The following SFSWAP variants were observed in gnomAD, a reference collection of about 807,000 sequenced individuals.
The protein encoded by SFSWAP is splicing factor SWAP.
Under a neutral mutation model 100.7 loss-of-function variants are expected in SFSWAP, and 17 were observed. That is an observed-to-expected ratio of 0.17 (90% CI 0.12 to 0.25). The LOEUF (loss-of-function observed/expected upper bound fraction) is 0.25, where lower values mean the gene tolerates loss of function less well. Ranked by LOEUF, SFSWAP falls within the 10% of genes least tolerant of loss-of-function variation. The probability of loss-of-function intolerance (pLI) is 1.00; values close to 1 mark genes in which losing one functional copy is unlikely to be tolerated. For missense variants in SFSWAP, 1,005 were observed against 1,262.6 expected (o/e 0.80, Z 3.09); for synonymous variants, 504 against 510.1 (o/e 0.99, Z 0.16).
At chr12:131,723,586 GT>G (rs1462108040) in intron 4 of SFSWAP, among the ~76,000 whole-genome samples, 2 of 152,030 alleles carry the variant, frequency 1.3e-5, no homozygotes, top group South Asian at 4.1e-4. Context: ...CCCTAACCCC[GT>G]GAGGAGAGGG....
chr12:131,728,246 A>G (rs780193419), intron 6 of SFSWAP, 47 bp from the exon 7 acceptor site: 12 of 1,609,266 alleles, frequency 7.5e-6, no homozygotes, highest in Admixed American at 6.7e-5. Context: ...AGAGTTCTGC[A>G]TGGTTCAGAA....
In SFSWAP at chr12:131,797,373, C is replaced by T. The variant is rs1331371807; in HGVS notation, c.2717+13C>T. 6.3e-7 allele frequency: 1 copy of T among 1,594,120 alleles called. No homozygotes were observed. Among genetic ancestry groups the T allele is most frequent in the Non-Finnish European group, 8.5e-7 (1 of 1,169,758 alleles). ...AGGAGCGCTCCAGGTAACCCCTGTC[C>T]TCCAGCAGCTCTCTCTGGGGAAAGG... On this transcript the variant is annotated intron_variant, in intron 16 of 17. Transcript: ENST00000261674.
intron 15 of SFSWAP, among the ~76,000 whole-genome samples, chr12:131,790,956 C>G (rs1434857594): frequency 1.3e-5 from 2 of 152,086 alleles, no homozygotes; most frequent in Non-Finnish European, 2.9e-5. Context: ...ATTCATGAAA[C>G]AGCAGAAAAG....
At chr12:131,751,381 C>T (rs1881610623) in intron 7 of SFSWAP, among the ~76,000 whole-genome samples, 1 of 152,236 alleles carries the variant, frequency 6.6e-6, no homozygotes, top group Non-Finnish European at 1.5e-5. Flanking sequence ...CTGTCCAGAG[C>T]AGGACATGGG....
chr12:131,738,885 C>CTTTTTATTTTTTTTTTTTTTTTT (rs1880305602), intron 7 of SFSWAP, among the ~76,000 whole-genome samples: 1 of 48,718 alleles, frequency 2.1e-5, no homozygotes, highest in Non-Finnish European at 4.1e-5. Flanking sequence ...GAACATTATT[C>CTTTTTATTTTTTTTTTTTTTTTT]TTTTTTTTTT....
rs74422105 is a variant in SFSWAP, at chr12:131,773,141, C to T, written c.2143-4924C>T. ...CAGGGATAGTTGTCACTTTGGGCCACGGGTCCAGGCTTGAGTGTGAAGCCC... is the reference window on the plus strand; with the variant it reads ...CAGGGATAGTTGTCACTTTGGGCCATGGGTCCAGGCTTGAGTGTGAAGCCC... On this transcript the variant is annotated intron_variant, in intron 13 of 17. Transcript: ENST00000261674. 4.6e-3 allele frequency among the ~76,000 whole-genome samples: 698 copies of T among 152,286 alleles called. 3 individuals are homozygous for T. Among genetic ancestry groups the T allele is most frequent in the Non-Finnish European group, 5.1e-3 (345 of 68,028 alleles).
At chr12:131,760,688 T>C (rs538999033) in intron 11 of SFSWAP, among the ~76,000 whole-genome samples, 55 of 152,284 alleles carry the variant, frequency 3.6e-4, no homozygotes, top group Middle Eastern at 3.4e-3. Flanking sequence ...GAAACAGTTA[T>C]GGGAAATTGT....
At chr12:131,784,637 C>T (rs1375635431) in intron 14 of SFSWAP, 3 of 153,116 alleles carry the variant, frequency 2.0e-5, no homozygotes, top group Non-Finnish European at 2.9e-5. Flanking sequence ...GGATGATTTG[C>T]TTATTAAATG....
At chr12:131,738,288 G>A (rs7955479) in intron 7 of SFSWAP, among the ~76,000 whole-genome samples, 2,027 of 152,254 alleles carry the variant, frequency 0.013, 43 homozygotes, top group African/African-American at 0.045. Context: ...AGAGAAGAAG[G>A]AAGAAAGCAA....
At chr12:131,749,880 C>A (rs1006159155) in intron 7 of SFSWAP, among the ~76,000 whole-genome samples, 1 of 152,230 alleles carries the variant, frequency 6.6e-6, no homozygotes, top group Non-Finnish European at 1.5e-5. Context: ...AGGGTCCCCA[C>A]GCGAGCCCAG....
intron 14 of SFSWAP, chr12:131,783,488 T>C (rs1197563252): frequency 6.6e-6 from 1 of 151,994 alleles, no homozygotes; most frequent in Admixed American, 6.6e-5. Context: ...TATAGAGAGC[T>C]ATATGATAAA....
At chr12:131,726,022 C>T (rs1878931942) in intron 5 of SFSWAP, among the ~76,000 whole-genome samples, 1 of 152,046 alleles carries the variant, frequency 6.6e-6, no homozygotes, top group Non-Finnish European at 1.5e-5. Flanking sequence ...TATACATGGC[C>T]ACAAAAGTGA....
At chr12:131,729,856 G>A (rs1879336889) in intron 7 of SFSWAP, among the ~76,000 whole-genome samples, 1 of 152,136 alleles carries the variant, frequency 6.6e-6, no homozygotes, top group Non-Finnish European at 1.5e-5. Flanking sequence ...CTTTATTTGG[G>A]ACAAGCTTTT....
At chr12:131,741,565 G>A (rs1880635486) in intron 7 of SFSWAP, among the ~76,000 whole-genome samples, 1 of 150,858 alleles carries the variant, frequency 6.6e-6, no homozygotes, top group Non-Finnish European at 1.5e-5. Context: ...AGAGGGGAGG[G>A]CATCGAGGAG....
chr12:131,752,412 A>T (rs1881743511), intron 7 of SFSWAP, among the ~76,000 whole-genome samples: 2 of 152,180 alleles, frequency 1.3e-5, no homozygotes, highest in Admixed American at 6.5e-5. Context: ...CAGGATTTTT[A>T]ATTGTTAAGA....
chr12:131,764,542 G>A lies in SFSWAP; in HGVS notation c.1807G>A (p.Asp603Asn). The change falls in exon 12 of 18, where the codon GAC (aspartate) becomes AAC (asparagine). Residue 603 changes from aspartate to asparagine, a missense_variant. Asp to Asn is a conservative substitution (Grantham distance 23). Coordinates refer to ENST00000261674, the MANE Select transcript of SFSWAP (RefSeq NM_004592.4). ...LEKNRVKLDD[D>N]SDDDEESKEG... Reference sequence around the variant, plus strand: ...AAAAAATCGTGTTAAGCTAGATGATGACAGTGATGATGATGAAGAAAGCAA... The same window carrying A: ...AAAAAATCGTGTTAAGCTAGATGATAACAGTGATGATGATGAAGAAAGCAA... 1 of 1,614,198 alleles carries A rather than the reference G, an allele frequency of 6.2e-7. No individual in the cohort carries two copies.
At chr12:131,775,817 C>T (rs1883973925) in intron 13 of SFSWAP, among the ~76,000 whole-genome samples, 1 of 151,662 alleles carries the variant, frequency 6.6e-6, no homozygotes, top group Non-Finnish European at 1.5e-5. Flanking sequence ...TAGCTGGGCA[C>T]GGTGGTTCAC....
intron 14 of SFSWAP, among the ~76,000 whole-genome samples, chr12:131,780,550 C>G (rs564543129): frequency 6.6e-6 from 1 of 152,054 alleles, no homozygotes; most frequent in African/African-American, 2.4e-5. Flanking sequence ...TGAGCTCAAG[C>G]GTAGAGTCTG....
At chr12:131,757,273 G>A (rs1882259422) in intron 11 of SFSWAP, 1 of 152,590 alleles carries the variant, frequency 6.6e-6, no homozygotes, top group African/African-American at 2.4e-5. Flanking sequence ...AAGCTCTGAG[G>A]CAGGGGTGCA....
Sources: gnomAD v4.1 joint callset for allele counts (sites outside exome capture counted in the v4.1 genomes callset) on GRCh38, gnomAD v4.1.1 for gene constraint, MANE v1.5 for transcripts, NCBI Gene and HGNC (gene_info 2026-07-23, HGNC 2026-07-21) for gene names.